Variants in HSF4 observed in about 807,000 individuals in gnomAD.
HSF4 encodes heat shock transcription factor 4.
Under a neutral mutation model 52.0 loss-of-function variants are expected in HSF4, and 41 were observed. That is an observed-to-expected ratio of 0.79 (90% CI 0.61 to 1.02). HSF4 has a LOEUF of 1.02. HSF4 is among the 50% of genes least tolerant of loss of function. The pLI, the probability that HSF4 is intolerant of heterozygous loss-of-function variation, is 0.00. For synonymous variants in HSF4, 285 were observed against 273.0 expected (o/e 1.04, Z -0.43); for missense variants, 610 against 651.1 (o/e 0.94, Z 0.69).
upstream of HSF4, chr16:67,164,561 C>T (rs564759946): frequency 8.9e-6 from 4 of 448,832 alleles, no homozygotes; most frequent in South Asian, 3.2e-5. Context: ...TCACCCCACC[C>T]CACCCCACTC....
In HSF4 at chr16:67,165,604, C is replaced by A; in HGVS notation, c.206C>A (p.Ala69Glu). 6.2e-7 allele frequency: 1 copy of A among 1,613,186 alleles called. No homozygotes were observed. Among genetic ancestry groups the A allele is most frequent in the Non-Finnish European group, 8.5e-7 (1 of 1,179,914 alleles). Residue 69 changes from alanine to glutamate, a missense_variant, in exon 2 of 13, where the codon GCG becomes GAG. Transcript: ENST00000521374. This position sits in a 1 kb window ranked among gnomAD's most constrained non-coding sequence, Gnocchi z 6.9. Reference sequence around the variant, plus strand: ...CAGTATTTCAAGCATAGCAACATGGCGAGCTTCGTGCGCCAACTCAACATG... The same window carrying A: ...CAGTATTTCAAGCATAGCAACATGGAGAGCTTCGTGCGCCAACTCAACATG... ...LPQYFKHSNM[A>E]SFVRQLNMYG...
Position 67,165,083 on chromosome 16 carries a change from G to A in HSF4, c.123+149G>A. 4 of 866,722 alleles carry A rather than the reference G, an allele frequency of 4.6e-6. No homozygotes were observed. Among genetic ancestry groups the A allele is most frequent in the South Asian group, 3.6e-5 (2 of 55,854 alleles). The allele number at this position is 866,722 out of a possible 1,614,324, so 53.7% of individuals were successfully genotyped here. On this transcript the variant is annotated intron_variant, in intron 1 of 12. Coordinates refer to ENST00000521374, the MANE Select transcript of HSF4 (RefSeq NM_001374675.1). This position sits in a 1 kb window ranked among gnomAD's most constrained non-coding sequence, Gnocchi z 6.9. The stretch of plus-strand genomic sequence containing the variant: ...GAAGTTCACCTTGGAGGGGGTGTGC[G>A]AGAGGGGGGTTTCCTCTGCGGCCGA...
At position 67,165,067 on chromosome 16, in the gene HSF4, C is replaced by A; in HGVS notation, c.123+133C>A. 1 of 1,019,144 alleles carries A rather than the reference C, an allele frequency of 9.8e-7. No homozygotes were observed. The highest frequency in any genetic ancestry group is 1.4e-6 in the Non-Finnish European group (1 of 717,012). 63.1% of individuals were successfully genotyped at this position (1,019,144 alleles called of 1,614,324 possible). A position where few individuals can be genotyped will look rare whatever the true frequency, so the allele number is the denominator to read the frequency against. On this transcript the variant is annotated intron_variant, in intron 1 of 12. Transcript: ENST00000521374. The surrounding 1 kb of genome is among the most constrained non-coding windows in gnomAD (Gnocchi z 6.9). ...GATTTGGCCATTCAGAGAAGTTCAC[C>A]TTGGAGGGGGTGTGCGAGAGGGGGG... is the stretch of plus-strand genomic sequence containing the variant.
At chr16:67,166,537 A>C in intron 5 of HSF4, 21 bp from the exon 6 acceptor site, 1 of 1,613,670 alleles carries the variant, frequency 6.2e-7, no homozygotes, top group Non-Finnish European at 8.5e-7. Flanking sequence ...AGTATGAATT[A>C]AACCTTTGCT....
Position 67,165,266 on chromosome 16 carries a change from C to A in HSF4, c.124-256C>A. On this transcript the variant is annotated intron_variant, in intron 1 of 12. Transcript: ENST00000521374. The surrounding 1 kb of genome is among the most constrained non-coding windows in gnomAD (Gnocchi z 6.9). The stretch of plus-strand genomic sequence containing the variant: ...GGTCACATTGCGGGGCTGGGAACCC[C>A]GTCAGCCTCTCCTTTCTGAGAACTG... 1.7e-6 allele frequency: 1 copy of A among 596,972 alleles called. No homozygotes were observed. The highest frequency in any genetic ancestry group is 3.0e-6 in the Non-Finnish European group (1 of 335,664). 37.0% of individuals were successfully genotyped at this position (596,972 alleles called of 1,614,324 possible).
intron 9 of HSF4, 28 bp downstream of exon 9, chr16:67,167,975 G>C (rs1418181894): frequency 2.0e-6 from 3 of 1,531,262 alleles, no homozygotes; most frequent in Non-Finnish European, 8.8e-7. Context: ...TGGCCCATGA[G>C]CCCTGTGATA....
rs1365819926 is a variant in HSF4 at position 67,169,667 on chromosome 16, A to G, written c.1361A>G (p.Asp454Gly). 1 of 1,611,738 alleles carries G rather than the reference A, an allele frequency of 6.2e-7. No individual in the cohort carries two copies. The highest frequency in any genetic ancestry group is 8.5e-7 in the Non-Finnish European group (1 of 1,179,986). ...ACGCTCGGGGCCCCACTCCTGCTGGATGTCCAGGCGGCCTTGGGAGGCCCA... is the reference window on the plus strand; with the variant it reads ...ACGCTCGGGGCCCCACTCCTGCTGGGTGTCCAGGCGGCCTTGGGAGGCCCA... ...DPTLGAPLLL[D>G]VQAALGGPAL... Residue 454 changes from aspartate (D) to glycine (G), a missense_variant, in exon 13 of 13, where the codon GAT (aspartate) becomes GGT (glycine). Asp to Gly is a moderately conservative substitution (Grantham distance 94). Transcript: ENST00000521374. The surrounding 1 kb of genome is among the most constrained non-coding windows in gnomAD (Gnocchi z 4.3).
rs1234270315 is a variant in HSF4 at position 67,165,560 on chromosome 16, C to T, written c.162C>T (p.Phe54=). The T allele has an allele frequency of 3.1e-6, 5 of 1,612,884 alleles. No individual in the cohort carries two copies. In the Admixed American group the frequency reaches 5.0e-5, roughly 16 times the overall value. The stretch of plus-strand genomic sequence containing the variant: ...TCCTCGTAAGCGACCAGAGCCGTTT[C>T]GCCAAGGAAGTGCTGCCCCAGTATT... ...TSFLVSDQSR[F]AKEVLPQYFK... is the part of the protein sequence containing the mutation. Residue 54 remains phenylalanine (F), a synonymous_variant, in exon 2 of 13, where the codon TTC becomes TTT. Coordinates refer to ENST00000521374, the MANE Select transcript of HSF4 (RefSeq NM_001374675.1). The surrounding 1 kb of genome is among the most constrained non-coding windows in gnomAD (Gnocchi z 6.9).
Position 67,169,199 on chromosome 16 carries a change from G to T in HSF4, c.1255-80G>T, listed in dbSNP as rs530911272. 4.4e-6 allele frequency: 7 copies of T among 1,607,908 alleles called. No individual in the cohort carries two copies. The African/African-American group carries it at 5.3e-5, about 12-fold the overall frequency. On this transcript the variant is annotated intron_variant, in intron 11 of 12. Transcript: ENST00000521374. This position sits in a 1 kb window ranked among gnomAD's most constrained non-coding sequence, Gnocchi z 4.3. ...GTGAGCCAAAGCCGTGTCTCTAGAA[G>T]AATTGTCACAGTGATTTCCCAGCTG...
At chr16:67,166,797 T>C (rs1340356156) in intron 6 of HSF4, among the ~76,000 whole-genome samples, 175 bp downstream of exon 6, 1 of 151,476 alleles carries the variant, frequency 6.6e-6, no homozygotes, top group Non-Finnish European at 1.5e-5. Context: ...TGCCACCTGG[T>C]ATCCCCACTC....
chr16:67,168,537 G>T (rs2031474367), intron 9 of HSF4, among the ~76,000 whole-genome samples: 1 of 152,018 alleles, frequency 6.6e-6, no homozygotes. Context: ...AAGGAAGAAA[G>T]AAAGAAATAA....
chr16:67,169,437 G>A lies in HSF4; in HGVS notation c.1324+89G>A. On this transcript the variant is annotated intron_variant, in intron 12 of 12. Transcript: ENST00000521374. This position sits in a 1 kb window ranked among gnomAD's most constrained non-coding sequence, Gnocchi z 4.3. ...GTGAGGGGGCAATCTGCAATTTGCA[G>A]GGAAATCCTGAGTTCAGGCTGCACT... The A allele has an allele frequency of 1.3e-6, 2 of 1,570,558 alleles. No individual in the cohort carries two copies. Among genetic ancestry groups the A allele is most frequent in the Non-Finnish European group, 1.7e-6 (2 of 1,158,460 alleles).
chr16:67,167,014 C>T, intron 6 of HSF4, 106 bp from the exon 7 acceptor site: 1 of 1,504,916 alleles, frequency 6.6e-7, no homozygotes, highest in Non-Finnish European at 9.2e-7. Flanking sequence ...GGCCTCAGCT[C>T]TGCTGACTTG....
chr16:67,167,565 G>C lies in HSF4; in HGVS notation c.820G>C (p.Gly274Arg). The change falls in exon 8 of 13, where the codon GGG (glycine) becomes CGG (arginine). Residue 274 changes from glycine to arginine, a missense_variant. Transcript: ENST00000521374. ...DIPEDSPSPEGTRLSPSSDGR... is the reference protein window; with the variant it reads ...DIPEDSPSPERTRLSPSSDGR... ...CCCAGAAGACTCTCCATCCCCTGAG[G>C]GGACCAGGCTTTCTCCCTCCAGTGA... 1 of 1,613,714 alleles carries C rather than the reference G, an allele frequency of 6.2e-7. No individual in the cohort carries two copies. Among genetic ancestry groups the C allele is most frequent in the Non-Finnish European group, 8.5e-7 (1 of 1,179,994 alleles).
Position 67,164,840 on chromosome 16 carries a change from C to T in HSF4, c.29C>T (p.Thr10Met), listed in dbSNP as rs2031124099. 3 of 1,603,756 alleles carry T rather than the reference C, an allele frequency of 1.9e-6. No homozygotes were observed. The highest frequency in any genetic ancestry group is 1.1e-5 in the South Asian group (1 of 90,436). ...CAGGAAGCGCCAGCTGCGCTGCCCA[C>T]GGAGCCAGGCCCCAGCCCCGTGCCT... MQEAPAALP[T>M]EPGPSPVPAF... The change falls in exon 1 of 13, where the codon ACG becomes ATG. Residue 10 changes from threonine (T) to methionine (M), a missense_variant. Physicochemically the swap from Thr to Met is moderately conservative, Grantham distance 81. Transcript: ENST00000521374.
At chr16:67,163,880 G>GC, upstream of HSF4, 2 of 1,526,800 alleles carry the variant, frequency 1.3e-6, no homozygotes, top group Non-Finnish European at 1.7e-6. Flanking sequence ...GAACGGGGGG[G>GC]GTGTCCAGGC....
intron 7 of HSF4, 22 bp downstream of exon 7, chr16:67,167,244 T>C: frequency 6.2e-7 from 1 of 1,614,010 alleles, no homozygotes; most frequent in African/African-American, 1.3e-5. Context: ...TTCTTCCCCC[T>C]TCCCAAGGGC....
At chr16:67,166,649 C>CA in intron 6 of HSF4, 27 bp downstream of exon 6, 1 of 1,606,848 alleles carries the variant, frequency 6.2e-7, no homozygotes, top group Non-Finnish European at 8.5e-7. Context: ...AGAAGGCCCA[C>CA]ACCCACTTCC....
Position 67,169,278 on chromosome 16 carries a change from G to A in HSF4, c.1255-1G>A, listed in dbSNP as rs1159959700. ...AGCTGCTCCCTGCGGTTCTCACGCA[G>A]ATGCAGCCCTTGGTTCCAGAGCGGG... On this transcript the variant is annotated splice_acceptor_variant, in intron 11 of 12. Transcript: ENST00000521374. LOFTEE classifies it high-confidence loss of function. The surrounding 1 kb of genome is among the most constrained non-coding windows in gnomAD (Gnocchi z 4.3). 6.2e-7 allele frequency: 1 copy of A among 1,613,544 alleles called. No individual in the cohort carries two copies. The highest frequency in any genetic ancestry group is 1.1e-5 in the South Asian group (1 of 91,000).
Sources: gnomAD v4.1 joint callset for allele counts (sites outside exome capture counted in the v4.1 genomes callset) on GRCh38, gnomAD v4.1.1 for gene constraint, Gnocchi (gnomAD v3.1) non-coding constraint, MANE v1.5 for transcripts, NCBI Gene and HGNC (gene_info 2026-07-23, HGNC 2026-07-21) for gene names.